Variants in NALF1 observed in about 807,000 individuals in gnomAD.
The protein encoded by NALF1 is NALCN channel auxiliary factor 1, also known as family with sequence similarity 155 member A.
A neutral mutation model predicts 48.4 loss-of-function variants in NALF1; 3 were observed. The observed-to-expected ratio is 0.06, with a 90% CI of 0.03 to 0.16. NALF1 has a LOEUF of 0.16. Among genes scored for constraint, NALF1 ranks in the 10% least tolerant of loss-of-function variants. NALF1 has a pLI of 1.00. For missense variants in NALF1, 526 were observed against 571.5 expected, an observed-to-expected ratio of 0.92 and a Z score of 0.81; for synonymous variants, 262 against 245.7, an observed-to-expected ratio of 1.07 and a Z score of -0.62.
chr13:107,213,849 A>G (rs1365216244), intron 1 of NALF1, among the ~76,000 whole-genome samples: 1 of 152,212 alleles, frequency 6.6e-6, no homozygotes, highest in Admixed American at 6.5e-5. Context: ...ACCTGAGAAT[A>G]TACTGCGGCT....
chr13:107,305,870 T>C (rs1881926840), intron 1 of NALF1, among the ~76,000 whole-genome samples: 1 of 152,230 alleles, frequency 6.6e-6, no homozygotes, highest in Admixed American at 6.5e-5. Flanking sequence ...GGAAGTAATA[T>C]GTTGTGAAAA....
chr13:107,406,069 C>T (rs1430983252), intron 1 of NALF1, among the ~76,000 whole-genome samples: 1 of 152,044 alleles, frequency 6.6e-6, no homozygotes. Flanking sequence ...CACTTCTTGT[C>T]TTCTGACTGA....
intron 1 of NALF1, among the ~76,000 whole-genome samples, chr13:107,312,589 C>T (rs1353303350): frequency 1.3e-5 from 2 of 151,694 alleles, no homozygotes; most frequent in Admixed American, 1.3e-4. Flanking sequence ...AAAAAGACTG[C>T]AAAATTAGAC....
chr13:107,533,525 C>A (rs573043458), intron 1 of NALF1, among the ~76,000 whole-genome samples: 1 of 152,180 alleles, frequency 6.6e-6, no homozygotes, highest in Admixed American at 6.5e-5. Flanking sequence ...GACTTCCCTG[C>A]CTTTTGAATG....
chr13:107,365,653 T>C (rs1883139974), intron 1 of NALF1, among the ~76,000 whole-genome samples: 1 of 152,216 alleles, frequency 6.6e-6, no homozygotes, highest in South Asian at 2.1e-4. Context: ...TGCAGAGACA[T>C]TTTGACTAAT....
At chr13:107,446,268 C>T (rs965944447) in intron 1 of NALF1, among the ~76,000 whole-genome samples, 9 of 152,034 alleles carry the variant, frequency 5.9e-5, no homozygotes, top group Admixed American at 3.9e-4. Context: ...AATAAAGTTC[C>T]GATAATTCTT....
At chr13:107,569,283 C>G (rs1364302161) in intron 1 of NALF1, among the ~76,000 whole-genome samples, 1 of 151,876 alleles carries the variant, frequency 6.6e-6, no homozygotes, top group Non-Finnish European at 1.5e-5. Flanking sequence ...TCCTGGCCAA[C>G]ACGGTGAAAC....
chr13:107,554,111 A>G (rs1877381507), intron 1 of NALF1, among the ~76,000 whole-genome samples: 1 of 152,206 alleles, frequency 6.6e-6, no homozygotes, highest in African/African-American at 2.4e-5. Flanking sequence ...GTGACATGAC[A>G]GCAAGCTCCT....
At chr13:107,417,670 G>T (rs1206622539) in intron 1 of NALF1, among the ~76,000 whole-genome samples, 4 of 152,040 alleles carry the variant, frequency 2.6e-5, no homozygotes, top group African/African-American at 9.7e-5. Flanking sequence ...CTTCCTTCCT[G>T]CATCCTGTTT....
chr13:107,578,977 C>T (rs183355829), intron 1 of NALF1, among the ~76,000 whole-genome samples: 1 of 152,182 alleles, frequency 6.6e-6, no homozygotes, highest in East Asian at 1.9e-4. Context: ...CTACCATATT[C>T]CTTCTCAATT....
At chr13:107,283,069 C>T (rs1881420272) in intron 1 of NALF1, among the ~76,000 whole-genome samples, 1 of 152,052 alleles carries the variant, frequency 6.6e-6, no homozygotes, top group Admixed American at 6.6e-5. Flanking sequence ...GGACGGGAGC[C>T]CTAAGGAGTT....
chr13:107,372,438 T>C (rs908551185), intron 1 of NALF1, among the ~76,000 whole-genome samples: 15 of 152,248 alleles, frequency 9.9e-5, no homozygotes, highest in Non-Finnish European at 4.4e-5. Context: ...AACCACATCA[T>C]TTTACTCTCA....
chr13:107,563,080 T>C (rs1044507602), intron 1 of NALF1, among the ~76,000 whole-genome samples: 2 of 152,134 alleles, frequency 1.3e-5, no homozygotes, highest in Non-Finnish European at 2.9e-5. Context: ...GTTAGATTAA[T>C]AACAACAACA....
chr13:107,464,919 A>G (rs1413650386), intron 1 of NALF1, among the ~76,000 whole-genome samples: 1 of 152,182 alleles, frequency 6.6e-6, no homozygotes, highest in Non-Finnish European at 1.5e-5. Flanking sequence ...AAGTAAATAA[A>G]ATAAGTATTA....
intron 1 of NALF1, among the ~76,000 whole-genome samples, chr13:107,461,566 C>A (rs936102236): frequency 6.6e-6 from 1 of 152,086 alleles, no homozygotes; most frequent in Non-Finnish European, 1.5e-5. Flanking sequence ...AATGAAAAAT[C>A]ATATTCTTTT....
At chr13:107,849,285 G>A (rs1880250728) in intron 1 of NALF1, among the ~76,000 whole-genome samples, 1 of 152,156 alleles carries the variant, frequency 6.6e-6, no homozygotes, top group African/African-American at 2.4e-5. Flanking sequence ...CTTGTCAGAG[G>A]TTATAACAAC....
intron 1 of NALF1, among the ~76,000 whole-genome samples, chr13:107,461,634 T>G (rs1212887990): frequency 6.6e-6 from 1 of 152,174 alleles, no homozygotes; most frequent in African/African-American, 2.4e-5. Flanking sequence ...TTTCAAAACT[T>G]TTTTTTGAAT....
chr13:107,325,887 T>TATATATATATATACAC (rs752320518), intron 1 of NALF1, among the ~76,000 whole-genome samples: 10 of 58,890 alleles, frequency 1.7e-4, no homozygotes, highest in South Asian at 8.7e-4. Context: ...TATATATATA[T>TATATATATATATACAC]ACACACACAC....
intron 2 of NALF1, among the ~76,000 whole-genome samples, chr13:107,210,186 G>C (rs1879732157): frequency 6.6e-6 from 1 of 152,136 alleles, no homozygotes; most frequent in African/African-American, 2.4e-5. Flanking sequence ...ATAGGCAAGA[G>C]AACATAAACT....
Sources: allele counts gnomAD v4.1 joint callset (sites outside exome capture counted in the v4.1 genomes callset), GRCh38; gene constraint gnomAD v4.1.1; transcripts MANE v1.5; gene names NCBI Gene and HGNC (gene_info 2026-07-23, HGNC 2026-07-21).